UTP15: variants seen among roughly 807,000 people sequenced by gnomAD.
UTP15 encodes the protein U3 small nucleolar RNA-associated protein 15 homolog.
UTP15 carries 5 observed loss-of-function variants against 59.1 expected under a neutral mutation model. The ratio of observed to expected loss-of-function variants is 0.08; its 90% CI spans 0.04 to 0.18. The LOEUF is 0.18. Among genes scored for constraint, UTP15 ranks in the 10% least tolerant of loss-of-function variants. The pLI, the probability that UTP15 is intolerant of heterozygous loss-of-function variation, is 1.00. For missense variants in UTP15, 494 were observed against 616.7 expected, an observed-to-expected ratio of 0.80 and a Z score of 2.11; for synonymous variants, 211 against 212.2, an observed-to-expected ratio of 0.99 and a Z score of 0.05.
At chr5:73,572,655 AT>A (rs771266007) in intron 7 of UTP15, 31 bp downstream of exon 7, 3 of 1,602,574 alleles carry the variant, frequency 1.9e-6, no homozygotes, top group South Asian at 2.2e-5. Context: ...GTATATTATT[AT>A]TAGTGTACAC....
chr5:73,570,836 T>G, intron 6 of UTP15, 125 bp downstream of exon 6: 1 of 1,344,950 alleles, frequency 7.4e-7, no homozygotes, highest in South Asian at 1.3e-5. Context: ...GTTCAAACAG[T>G]TGATAGGTAG....
At position 73,578,837 on chromosome 5, in the gene UTP15, C is replaced by T. The variant is rs371751182; in HGVS notation, c.1131C>T (p.Leu377=). Residue 377 remains leucine, a synonymous_variant, in exon 10 of 13, where the codon CTC becomes CTT. Coordinates refer to ENST00000296792, the MANE Select transcript of UTP15 (RefSeq NM_032175.4). ...AACATTTTCGGATCTCTAAGGCACT[C>T]GATAGAGTTCTTGATGTGAGTGAGC... The part of the protein sequence containing the change: ...DLKHFRISKA[L]DRVLDPTCTI... 1.8e-5 allele frequency: 29 copies of T among 1,606,426 alleles called. No homozygotes were observed. In the African/African-American group the frequency reaches 2.0e-4, roughly 11 times the overall value.
intron 2 of UTP15, 68 bp downstream of exon 2, chr5:73,567,502 C>T: frequency 1.8e-6 from 2 of 1,112,354 alleles, no homozygotes; most frequent in Middle Eastern, 2.0e-4. Flanking sequence ...ATATGTTATA[C>T]TCTGGATGCT....
chr5:73,577,787 G>A (rs1748145623), intron 8 of UTP15, 69 bp from the exon 9 acceptor site: 1 of 1,346,570 alleles, frequency 7.4e-7, no homozygotes, highest in East Asian at 2.4e-5. Context: ...TGGTAAATGT[G>A]TTTTGAAGTA....
chr5:73,571,611 A>G (rs1003451713), intron 6 of UTP15, among the ~76,000 whole-genome samples: 1 of 128,810 alleles, frequency 7.8e-6, no homozygotes, highest in African/African-American at 2.9e-5. Flanking sequence ...ACTCTGTTTT[A>G]TATTCTTTTC....
chr5:73,579,021 C>T lies in UTP15; in HGVS notation c.1151C>T (p.Thr384Ile), dbSNP rs755174178. ...TGACTTTGAAAATTTTTCTAGCCCACTTGTACAATAAAGACACCCGAGATT... is the reference window on the plus strand; with the variant it reads ...TGACTTTGAAAATTTTTCTAGCCCATTTGTACAATAAAGACACCCGAGATT... ...SKALDRVLDP[T>I]CTIKTPEITV... Residue 384 changes from threonine to isoleucine, a missense_variant, in exon 11 of 13, where the codon ACT (threonine) becomes ATT (isoleucine). Thr to Ile is a moderately conservative substitution (Grantham distance 89). Coordinates refer to ENST00000296792, the MANE Select transcript of UTP15 (RefSeq NM_032175.4). 1 of 1,609,346 alleles carries T rather than the reference C, an allele frequency of 6.2e-7. No homozygotes were observed. Among genetic ancestry groups the T allele is most frequent in the South Asian group, 1.1e-5 (1 of 90,726 alleles).
chr5:73,570,633 A>T lies in UTP15; in HGVS notation c.595A>T (p.Ser199Cys). ...VKMFDARTSE[S>C]VLSVEHGQPV... ...GATGTTTGATGCACGAACGAGTGAG[A>T]GTGTTCTCTCCGTTGAGCATGGGCA... Residue 199 changes from serine to cysteine, a missense_variant, in exon 6 of 13, where the codon AGT (serine) becomes TGT (cysteine). Coordinates refer to ENST00000296792, the MANE Select transcript of UTP15 (RefSeq NM_032175.4). 6.2e-7 allele frequency: 1 copy of T among 1,614,158 alleles called. No individual in the cohort carries two copies. The highest frequency in any genetic ancestry group is 1.1e-5 in the South Asian group (1 of 91,086).
At position 73,581,406 on chromosome 5, in the gene UTP15, A is replaced by G. The variant is rs1748303796; in HGVS notation, c.*1312A>G. 6.6e-6 allele frequency: 1 copy of G among 152,098 alleles called. No individual in the cohort carries two copies. Among genetic ancestry groups the G allele is most frequent in the Non-Finnish European group, 1.5e-5 (1 of 68,028 alleles). The allele number at this position is 152,098 out of a possible 1,614,324, so 9.4% of individuals were successfully genotyped here. ...TCTTATTTTCTTGGCTTTTTGATGTATCTGTTCCTGATAGATAATCATTGG... is the reference window on the plus strand; with the variant it reads ...TCTTATTTTCTTGGCTTTTTGATGTGTCTGTTCCTGATAGATAATCATTGG... On this transcript the variant is annotated 3_prime_UTR_variant, in exon 13 of 13. Coordinates refer to ENST00000296792, the MANE Select transcript of UTP15 (RefSeq NM_032175.4).
chr5:73,577,582 T>C (rs1276902255), intron 8 of UTP15, among the ~76,000 whole-genome samples: 1 of 152,196 alleles, frequency 6.6e-6, no homozygotes, highest in African/African-American at 2.4e-5. Flanking sequence ...CTTGCTACTG[T>C]GTAATCTTTG....
chr5:73,578,111 T>C lies in UTP15; in HGVS notation c.1044+106T>C, dbSNP rs549415262. On this transcript the variant is annotated intron_variant, in intron 9 of 12. Coordinates refer to ENST00000296792, the MANE Select transcript of UTP15 (RefSeq NM_032175.4). ...GCGTAGTTCACATGGCACTTTATTT[T>C]GCTTTTCTCTACATCAGAATTATTT... The C allele has an allele frequency of 3.3e-6, 4 of 1,219,506 alleles. No homozygotes were observed. In the East Asian group the frequency reaches 1.0e-4, roughly 32 times the overall value. 75.5% of individuals were successfully genotyped at this position (1,219,506 alleles called of 1,614,324 possible). A position where few individuals can be genotyped will look rare whatever the true frequency, so the allele number is the denominator to read the frequency against.
rs142983041 is a variant in UTP15 at position 73,568,236 on chromosome 5, C to T, written c.92C>T (p.Thr31Ile). 1.4e-5 allele frequency: 22 copies of T among 1,605,774 alleles called. No individual in the cohort carries two copies. In the African/African-American group the frequency reaches 2.7e-4, roughly 20 times the overall value. ...QDTLYWNNYK[T>I]PVQIKEFGAV... is the part of the protein sequence containing the mutation. ...AACACACTATTATTTTTTATTAAGA[C>T]CCCTGTTCAGATTAAGGAATTTGGT... Residue 31 changes from threonine to isoleucine, a missense_variant and splice_region_variant, in exon 3 of 13, where the codon ACC becomes ATC. By Grantham distance (89) the Thr-to-Ile change is moderately conservative. Coordinates refer to ENST00000296792, the MANE Select transcript of UTP15 (RefSeq NM_032175.4).
chr5:73,577,069 C>T, intron 8 of UTP15, 33 bp downstream of exon 8: 2 of 1,397,022 alleles, frequency 1.4e-6, no homozygotes, highest in Non-Finnish European at 2.0e-6. Context: ...AAGTCTGTCA[C>T]TAACCCTGCC....
intron 9 of UTP15, chr5:73,578,368 A>G (rs1748163424): frequency 1.4e-5 from 4 of 289,864 alleles, no homozygotes; most frequent in Admixed American, 1.0e-4. Context: ...TCAGGATTTC[A>G]TTACTGGTAT....
In UTP15 at chr5:73,578,838, G is replaced by C; in HGVS notation, c.1132G>C (p.Asp378His). Residue 378 changes from aspartate (D) to histidine (H), a missense_variant, in exon 10 of 13, where the codon GAT becomes CAT. Physicochemically the swap from Asp to His is moderately conservative, Grantham distance 81. Coordinates refer to ENST00000296792, the MANE Select transcript of UTP15 (RefSeq NM_032175.4). ...LKHFRISKAL[D>H]RVLDPTCTIK... is the part of the protein sequence containing the mutation. ...ACATTTTCGGATCTCTAAGGCACTC[G>C]ATAGAGTTCTTGATGTGAGTGAGCA... 6.2e-7 allele frequency: 1 copy of C among 1,606,402 alleles called. No individual in the cohort carries two copies. Among genetic ancestry groups the C allele is most frequent in the Non-Finnish European group, 8.5e-7 (1 of 1,174,038 alleles).
chr5:73,579,232 T>C (rs1748222374), intron 11 of UTP15, 82 bp downstream of exon 11: 1 of 1,599,912 alleles, frequency 6.3e-7, no homozygotes, highest in African/African-American at 1.3e-5. Flanking sequence ...GTTTGATCTT[T>C]GTAGAGAACT....
chr5:73,567,460 A>C, intron 2 of UTP15, 26 bp downstream of exon 2: 1 of 1,537,944 alleles, frequency 6.5e-7, no homozygotes, highest in Non-Finnish European at 8.8e-7. Context: ...AATGAGGGAG[A>C]AGGGATTTGT....
chr5:73,570,424 C>T (rs1174345435), intron 5 of UTP15, among the ~76,000 whole-genome samples, 162 bp from the exon 6 acceptor site: 1 of 152,162 alleles, frequency 6.6e-6, no homozygotes, highest in African/African-American at 2.4e-5. Context: ...CAGACACGAT[C>T]AGTAGTAGAT....
chr5:73,580,180 A>C lies in UTP15; in HGVS notation c.*86A>C, dbSNP rs951023022. On this transcript the variant is annotated 3_prime_UTR_variant, in exon 13 of 13. Coordinates refer to ENST00000296792, the MANE Select transcript of UTP15 (RefSeq NM_032175.4). ...GTTGGCGAGAGACTCTCTTTGATAC[A>C]TTAAAAAAACTGTTTGCAGAAGCAG... is the stretch of plus-strand genomic sequence containing the variant. 1 of 1,222,552 alleles carries C rather than the reference A, an allele frequency of 8.2e-7. No homozygotes were observed. The highest frequency in any genetic ancestry group is 1.5e-5 in the African/African-American group (1 of 64,936). 75.7% of individuals were successfully genotyped at this position (1,222,552 alleles called of 1,614,324 possible).
chr5:73,580,140 T>G lies in UTP15; in HGVS notation c.*46T>G, dbSNP rs373358747. ...TAAGAACTCTGAAGTTGGAATAGAT[T>G]TGACTGTATTAAATGTTGGCGAGAG... On this transcript the variant is annotated 3_prime_UTR_variant, in exon 13 of 13. Transcript: ENST00000296792. 183 of 1,542,472 alleles carry G rather than the reference T, an allele frequency of 1.2e-4. No individual in the cohort carries two copies. Among genetic ancestry groups the G allele is most frequent in the Admixed American group, 2.5e-4 (14 of 56,814 alleles).
Sources: gnomAD v4.1 joint callset for allele counts (sites outside exome capture counted in the v4.1 genomes callset) on GRCh38, gnomAD v4.1.1 for gene constraint, MANE v1.5 for transcripts, NCBI Gene and HGNC (gene_info 2026-07-23, HGNC 2026-07-21) for gene names.